The following LATS2 variants were observed in gnomAD, a reference collection of about 807,000 sequenced individuals.
LATS2 encodes serine/threonine-protein kinase LATS2.
Under a neutral mutation model 76.0 loss-of-function variants are expected in LATS2, and 24 were observed. That is an observed-to-expected ratio of 0.32 (90% CI 0.23 to 0.44). The LOEUF (loss-of-function observed/expected upper bound fraction) is 0.44, where lower values mean the gene tolerates loss of function less well. Ranked by LOEUF, LATS2 falls within the 20% of genes least tolerant of loss-of-function variation. The pLI, the probability that LATS2 is intolerant of heterozygous loss-of-function variation, is 1.00. For missense variants in LATS2, 1,286 were observed against 1,481.2 expected (o/e 0.87, Z 2.16); for synonymous variants, 692 against 635.4 (o/e 1.09, Z -1.34).
At chr13:21,057,697 G>A (rs1018693837) in intron 1 of LATS2, among the ~76,000 whole-genome samples, 1 of 152,114 alleles carries the variant, frequency 6.6e-6, no homozygotes, top group African/African-American at 2.4e-5. Context: ...CTACTCAGGA[G>A]GCTGAGGCAG....
At position 20,983,591 on chromosome 13, in the gene LATS2, C is replaced by T. The variant is rs201894248; in HGVS notation, c.2115G>A (p.Leu705=). The T allele has an allele frequency of 3.2e-5, 51 of 1,614,164 alleles. No individual in the cohort carries two copies. The Admixed American group carries it at 4.8e-4, about 15-fold the overall frequency. ...AMKTLRKKDV[L]NRNQVAHVKA... is the part of the protein sequence containing the mutation. ...TGACGTGGGCCACCTGATTCCGGTTCAGGACATCCTTTTTCCTTAGGGTCT... is the reference window on the plus strand; with the variant it reads ...TGACGTGGGCCACCTGATTCCGGTTTAGGACATCCTTTTTCCTTAGGGTCT... The change falls in exon 5 of 8, where the codon CTG becomes CTA. Residue 705 remains leucine, a synonymous_variant. Transcript: ENST00000382592.
chr13:20,984,438 G>C (rs570840040), intron 4 of LATS2, among the ~76,000 whole-genome samples: 1 of 152,270 alleles, frequency 6.6e-6, no homozygotes, highest in East Asian at 1.9e-4. Flanking sequence ...AAATGGGAAA[G>C]CAGGAAGAAA....
At chr13:21,034,927 C>T (rs923354946) in intron 2 of LATS2, among the ~76,000 whole-genome samples, 3 of 152,020 alleles carry the variant, frequency 2.0e-5, no homozygotes, top group Non-Finnish European at 4.4e-5. Context: ...AAATACACTA[C>T]TACAAAATAT....
intron 2 of LATS2, among the ~76,000 whole-genome samples, chr13:21,038,151 G>C (rs1210285869): frequency 1.3e-5 from 2 of 152,012 alleles, no homozygotes; most frequent in African/African-American, 4.8e-5. Flanking sequence ...TACTGTGCAG[G>C]GAAGGCCGGA....
chr13:20,979,605 G>C, intron 7 of LATS2, 86 bp downstream of exon 7: 1 of 636,830 alleles, frequency 1.6e-6, no homozygotes, highest in Non-Finnish European at 2.8e-6. Context: ...CTCAGAATAA[G>C]AGGGCAAATG....
intron 2 of LATS2, among the ~76,000 whole-genome samples, chr13:21,007,571 A>ATAGTG (rs1555225437): frequency 4.9e-4 from 9 of 18,510 alleles, no homozygotes; most frequent in African/African-American, 3.9e-3. Context: ...ATATATATAT[A>ATAGTG]TATATATATA....
At chr13:21,020,536 G>A (rs959691641) in intron 2 of LATS2, among the ~76,000 whole-genome samples, 2 of 151,958 alleles carry the variant, frequency 1.3e-5, no homozygotes, top group Non-Finnish European at 1.5e-5. Flanking sequence ...AATGTTAAGG[G>A]AAAAAAATCA....
At chr13:21,031,665 C>T (rs1323813769) in intron 2 of LATS2, among the ~76,000 whole-genome samples, 5 of 152,046 alleles carry the variant, frequency 3.3e-5, no homozygotes, top group Admixed American at 3.3e-4. Flanking sequence ...TCGAGACCAG[C>T]CTGGGCAAAA....
intron 2 of LATS2, among the ~76,000 whole-genome samples, chr13:21,033,271 A>G (rs561434508): frequency 3.3e-5 from 5 of 152,046 alleles, no homozygotes; most frequent in Admixed American, 2.6e-4. Context: ...GATGGGAGAG[A>G]ATAGGGGGTA....
rs184497457 is a variant in LATS2 at position 20,973,886 on chromosome 13, C to T, written c.*984G>A. ...AGAGCATACGGACTACAGAAACGGA[C>T]ATGTGTCCGTGATTAAACTTTTTGG... On this transcript the variant is annotated 3_prime_UTR_variant, in exon 8 of 8. Transcript: ENST00000382592. 3.1e-5 allele frequency: 7 copies of T among 228,296 alleles called. No homozygotes were observed. The highest frequency in any genetic ancestry group is 3.7e-4 in the South Asian group (2 of 5,442). 14.1% of individuals were successfully genotyped at this position (228,296 alleles called of 1,614,324 possible).
chr13:21,047,041 A>G (rs1266400089), intron 1 of LATS2, among the ~76,000 whole-genome samples: 1 of 152,102 alleles, frequency 6.6e-6, no homozygotes, highest in African/African-American at 2.4e-5. Context: ...CTACAGAACT[A>G]CAACTGCAGC....
At chr13:20,993,094 A>G (rs1870583401) in intron 2 of LATS2, among the ~76,000 whole-genome samples, 1 of 150,132 alleles carries the variant, frequency 6.7e-6, no homozygotes, top group Non-Finnish European at 1.5e-5. Flanking sequence ...GACCCCGGAC[A>G]GTGGGGGAGG....
At chr13:21,023,649 A>C (rs866699139) in intron 2 of LATS2, among the ~76,000 whole-genome samples, 581 of 3,940 alleles carry the variant, frequency 0.15, 3 homozygotes, top group African/African-American at 0.17. Context: ...CTGGCTTTAA[A>C]AAAAAAAAAA....
intron 4 of LATS2, among the ~76,000 whole-genome samples, chr13:20,987,294 A>C (rs1490051368): frequency 3.9e-5 from 6 of 152,198 alleles, no homozygotes; most frequent in Non-Finnish European, 5.9e-5. Flanking sequence ...AAGAACACAA[A>C]TCTGGTTTTC....
Position 21,046,048 on chromosome 13 carries a change from C to G in LATS2, c.-22G>C. The G allele has an allele frequency of 6.6e-7, 1 of 1,516,304 alleles. No homozygotes were observed. Among genetic ancestry groups the G allele is most frequent in the Non-Finnish European group, 9.1e-7 (1 of 1,104,330 alleles). 93.9% of individuals were successfully genotyped at this position (1,516,304 alleles called of 1,614,324 possible). ...TCATTGTTAGTCCAGTTTCCTTTTACCATAAATACAATCTTCTTAAAGTGT... is the reference window on the plus strand; with the variant it reads ...TCATTGTTAGTCCAGTTTCCTTTTAGCATAAATACAATCTTCTTAAAGTGT... On this transcript the variant is annotated 5_prime_UTR_variant, in exon 2 of 8. Coordinates refer to ENST00000382592, the MANE Select transcript of LATS2 (RefSeq NM_014572.3).
chr13:21,013,038 T>C (rs1361730306), intron 2 of LATS2, among the ~76,000 whole-genome samples: 1 of 152,178 alleles, frequency 6.6e-6, no homozygotes, highest in Admixed American at 6.5e-5. Context: ...CATTCAGTGC[T>C]GAGGAATACC....
intron 1 of LATS2, among the ~76,000 whole-genome samples, chr13:21,049,413 A>G (rs775860882): frequency 6.6e-6 from 1 of 152,118 alleles, no homozygotes; most frequent in Non-Finnish European, 1.5e-5. Flanking sequence ...AAAGGCACAG[A>G]TGGGGGATGG....
intron 7 of LATS2, among the ~76,000 whole-genome samples, chr13:20,978,682 T>G (rs2138265172): frequency 6.6e-6 from 1 of 152,242 alleles, no homozygotes; most frequent in South Asian, 2.1e-4. Flanking sequence ...CTCAGCCCAC[T>G]CCACATGAAG....
chr13:20,987,849 G>C (rs1177791707), intron 4 of LATS2, 32 bp downstream of exon 4: 3 of 1,599,200 alleles, frequency 1.9e-6, no homozygotes, highest in Non-Finnish European at 2.6e-6. Flanking sequence ...GATGAGCCGG[G>C]AACAAATAGT....
Sources: allele counts gnomAD v4.1 joint callset (sites outside exome capture counted in the v4.1 genomes callset), GRCh38; gene constraint gnomAD v4.1.1; transcripts MANE v1.5; gene names NCBI Gene and HGNC (gene_info 2026-07-23, HGNC 2026-07-21).